SCN11A: variants seen among roughly 807,000 people sequenced by gnomAD.
The protein encoded by SCN11A is sodium channel protein type 11 subunit alpha.
Under a neutral mutation model 162.2 loss-of-function variants are expected in SCN11A, and 122 were observed. The observed-to-expected ratio is 0.75, with a 90% confidence interval of 0.65 to 0.87. The LOEUF is 0.87. Ranked by LOEUF, SCN11A falls within the 40% of genes least tolerant of loss-of-function variation. The pLI is 0.00. For synonymous variants in SCN11A, 758 were observed against 751.5 expected, an observed-to-expected ratio of 1.01 and a Z score of -0.14; for missense variants, 2,015 against 2,181.6, an observed-to-expected ratio of 0.92 and a Z score of 1.52.
intron 11 of SCN11A, among the ~76,000 whole-genome samples, chr3:38,913,129 C>T (rs529840457): frequency 1.3e-5 from 2 of 152,310 alleles, no homozygotes; most frequent in South Asian, 2.1e-4. Context: ...CTTTTCTCCA[C>T]AACATTGCCA....
intron 14 of SCN11A, among the ~76,000 whole-genome samples, chr3:38,906,975 T>A (rs2065802304): frequency 6.6e-6 from 1 of 152,072 alleles, no homozygotes; most frequent in Admixed American, 6.5e-5. Flanking sequence ...ATGGGTCATG[T>A]TCTCCTGCTT....
At chr3:39,050,286 CAA>C (rs2032298903) in intron 1 of SCN11A, among the ~76,000 whole-genome samples, 1 of 152,260 alleles carries the variant, frequency 6.6e-6, no homozygotes, top group African/African-American at 2.4e-5. Flanking sequence ...ACTCTTGACT[CAA>C]GATACTTCCT....
chr3:38,880,261 T>C, intron 22 of SCN11A, 138 bp from the exon 23 acceptor site: 2 of 613,088 alleles, frequency 3.3e-6, no homozygotes, highest in Non-Finnish European at 5.6e-6. Context: ...TCAAAAGATA[T>C]TAAGGCTAAA....
chr3:38,907,836 G>A (rs1575277002), intron 14 of SCN11A, 113 bp downstream of exon 14: 1 of 902,958 alleles, frequency 1.1e-6, no homozygotes, highest in East Asian at 2.5e-5. Flanking sequence ...TGTGCAAATG[G>A]ATGAATGAAT....
At chr3:38,922,495 A>C (rs536086408) in intron 9 of SCN11A, among the ~76,000 whole-genome samples, 17 of 152,230 alleles carry the variant, frequency 1.1e-4, no homozygotes, top group Non-Finnish European at 2.5e-4. Context: ...ATCTCAGTGC[A>C]TTTAATGGGC....
intron 2 of SCN11A, among the ~76,000 whole-genome samples, chr3:38,981,987 G>A (rs147029792): frequency 6.7e-4 from 101 of 150,586 alleles, no homozygotes; most frequent in Non-Finnish European, 1.3e-3. Context: ...GCTCCAGCCT[G>A]AGCAACAGAG....
intron 9 of SCN11A, among the ~76,000 whole-genome samples, chr3:38,923,302 T>C (rs543919702): frequency 5.2e-4 from 79 of 152,284 alleles, no homozygotes; most frequent in Admixed American, 8.5e-4. Flanking sequence ...GTGATCTCTT[T>C]AGATCTCACG....
intron 19 of SCN11A, among the ~76,000 whole-genome samples, chr3:38,892,868 G>A (rs1221237170): frequency 6.6e-6 from 1 of 151,706 alleles, no homozygotes; most frequent in African/African-American, 2.4e-5. Context: ...AATTCAAAAA[G>A]ATTTTGAAAA....
intron 4 of SCN11A, among the ~76,000 whole-genome samples, chr3:38,952,105 G>A (rs986159673): frequency 6.6e-6 from 1 of 152,090 alleles, no homozygotes; most frequent in African/African-American, 2.4e-5. Flanking sequence ...AAGACCACGA[G>A]CCCACCAGGA....
chr3:38,968,604 G>A (rs921739640), intron 2 of SCN11A, among the ~76,000 whole-genome samples: 1 of 151,972 alleles, frequency 6.6e-6, no homozygotes, highest in Admixed American at 6.6e-5. Flanking sequence ...GCACACACAC[G>A]TGCACACACA....
intron 12 of SCN11A, among the ~76,000 whole-genome samples, chr3:38,909,589 T>TC (rs1472667187): frequency 6.6e-6 from 1 of 150,954 alleles, no homozygotes; most frequent in Non-Finnish European, 1.5e-5. Context: ...GTTTCTTTTT[T>TC]TTTTTTTTTT....
At chr3:38,978,260 A>G (rs2066861168) in intron 2 of SCN11A, among the ~76,000 whole-genome samples, 1 of 152,188 alleles carries the variant, frequency 6.6e-6, no homozygotes, top group South Asian at 2.1e-4. Flanking sequence ...CTGTATAACT[A>G]TTAACTTACT....
intron 7 of SCN11A, among the ~76,000 whole-genome samples, chr3:38,941,329 G>A (rs2066439645): frequency 6.6e-6 from 1 of 152,284 alleles, no homozygotes; most frequent in Admixed American, 6.5e-5. Flanking sequence ...AAATGAGTAT[G>A]AAATAAAGAC....
intron 2 of SCN11A, among the ~76,000 whole-genome samples, chr3:38,994,238 G>A (rs1340891904): frequency 6.6e-6 from 1 of 152,174 alleles, no homozygotes; most frequent in African/African-American, 2.4e-5. Context: ...TAATTATAAA[G>A]TATTCCTATA....
intron 28 of SCN11A, among the ~76,000 whole-genome samples, chr3:38,855,714 A>C (rs1386259453): frequency 6.6e-6 from 1 of 152,154 alleles, no homozygotes; most frequent in Non-Finnish European, 1.5e-5. Flanking sequence ...AGAGGTCCTG[A>C]GTCTGTCCAC....
intron 14 of SCN11A, among the ~76,000 whole-genome samples, chr3:38,906,161 C>T (rs865836297): frequency 2.3e-4 from 35 of 152,310 alleles, no homozygotes; most frequent in African/African-American, 7.9e-4. Context: ...TTCCCCACCA[C>T]ATTATCAGGC....
intron 10 of SCN11A, 147 bp from the exon 11 acceptor site, chr3:38,920,148 C>G (rs1223608822): frequency 1.1e-5 from 7 of 625,308 alleles, no homozygotes; most frequent in Non-Finnish European, 1.9e-5. Flanking sequence ...GAAACTGGAG[C>G]CCAAGACCTC....
chr3:39,048,709 T>G (rs1157383567), intron 1 of SCN11A, among the ~76,000 whole-genome samples: 1 of 152,234 alleles, frequency 6.6e-6, no homozygotes, highest in Non-Finnish European at 1.5e-5. Flanking sequence ...AACTAAGTTC[T>G]AATGAATTGA....
rs770940292 is a variant in SCN11A, at chr3:38,867,344, T to A, written c.3928A>T (p.Asn1310Tyr). Residue 1310 changes from asparagine to tyrosine, a missense_variant, in exon 27 of 30, where the codon AAC becomes TAC. Transcript: ENST00000302328. ...LNLFIGVIID[N>Y]FNQQQKKLGG... The stretch of plus-strand genomic sequence containing the variant: ...ATCTTTTTCTGCTGTTGGTTGAAGT[T>A]GTCAATGATAACGCCAATGAAGAGA... 1 of 1,613,296 alleles carries A rather than the reference T, an allele frequency of 6.2e-7. No homozygotes were observed. The highest frequency in any genetic ancestry group is 1.7e-5 in the Admixed American group (1 of 59,822).
Sources: gnomAD v4.1 joint callset for allele counts (sites outside exome capture counted in the v4.1 genomes callset) on GRCh38, gnomAD v4.1.1 for gene constraint, MANE v1.5 for transcripts, NCBI Gene and HGNC (gene_info 2026-07-23, HGNC 2026-07-21) for gene names.